Variants in SLC5A6 observed in about 807,000 individuals in gnomAD.
SLC5A6 encodes solute carrier family 5 member 6, also known as sodium-dependent multivitamin transporter.
SLC5A6 carries 31 observed loss-of-function variants against 67.9 expected under a neutral mutation model. The ratio of observed to expected loss-of-function variants is 0.46; its 90% CI spans 0.34 to 0.62. The LOEUF (loss-of-function observed/expected upper bound fraction) is 0.62, where lower values mean the gene tolerates loss of function less well. Ranked by LOEUF, SLC5A6 falls within the 20% of genes least tolerant of loss-of-function variation. The pLI, the probability that SLC5A6 is intolerant of heterozygous loss-of-function variation, is 0.01. For missense variants in SLC5A6, 673 were observed against 812.8 expected (o/e 0.83, Z 2.09); for synonymous variants, 343 against 331.0 (o/e 1.04, Z -0.39).
At chr2:27,212,724 C>G (rs1034641410), upstream of SLC5A6, 5 of 1,157,302 alleles carry the variant, frequency 4.3e-6, no homozygotes, top group Admixed American at 3.6e-5. Flanking sequence ...TAAGTTCTTT[C>G]TACAGACGGG....
At chr2:27,212,412 G>C (rs1674613106), upstream of SLC5A6, 2 of 1,553,254 alleles carry the variant, frequency 1.3e-6, no homozygotes, top group Admixed American at 3.9e-5. Flanking sequence ...CTGGTGCCCT[G>C]GGCTGCCGCC....
At chr2:27,200,799 CCT>C (rs1471943955) in intron 16 of SLC5A6, among the ~76,000 whole-genome samples, 197 bp downstream of exon 16, 1 of 152,206 alleles carries the variant, frequency 6.6e-6, no homozygotes, top group Non-Finnish European at 1.5e-5. Flanking sequence ...TCCTCTGAGC[CCT>C]GAGATCCTTC....
At chr2:27,204,971 A>C in intron 7 of SLC5A6, 40 bp from the exon 8 acceptor site, 1 of 1,606,606 alleles carries the variant, frequency 6.2e-7, no homozygotes, top group Non-Finnish European at 8.5e-7. Context: ...AAAGCCTGAG[A>C]GACACAGCCT....
At position 27,203,767 on chromosome 2, in the gene SLC5A6, T is replaced by G. The variant is rs747583742; in HGVS notation, c.1094+12A>C. 1.2e-6 allele frequency: 2 copies of G among 1,608,322 alleles called. No individual in the cohort carries two copies. On this transcript the variant is annotated intron_variant, in intron 10 of 16. Coordinates refer to ENST00000310574, the MANE Select transcript of SLC5A6 (RefSeq NM_021095.4). ...GTGCACCAGGCCTGAGGGAAATCGT[T>G]AAAGTGGGTACCTGAGAGAGCCGCT...
At position 27,203,044 on chromosome 2, in the gene SLC5A6, T is replaced by C. The variant is rs538319561; in HGVS notation, c.1208-164A>G. The C allele has an allele frequency of 1.3e-5, 20 of 1,494,984 alleles. No individual in the cohort carries two copies. The African/African-American group carries it at 2.1e-4, about 16-fold the overall frequency. 92.6% of individuals were successfully genotyped at this position (1,494,984 alleles called of 1,614,324 possible). On this transcript the variant is annotated intron_variant, in intron 11 of 16. Transcript: ENST00000310574. ...TCCTCCCACCAAGTCCTCACTCCTA[T>C]GTGACTCAGAGACCTCCCTAGGACA...
At chr2:27,201,298 G>A (rs778073407) in intron 15 of SLC5A6, 52 bp downstream of exon 15, 22 of 1,254,272 alleles carry the variant, frequency 1.8e-5, no homozygotes, top group Non-Finnish European at 2.3e-5. Context: ...GTCCCTTAGG[G>A]CCCTCTGTTA....
chr2:27,212,635 C>G, upstream of SLC5A6: 2 of 1,408,076 alleles, frequency 1.4e-6, no homozygotes, highest in Non-Finnish European at 9.2e-7. Context: ...TCACGTCGTG[C>G]AGGCCTTCGG....
chr2:27,204,102 A>G (rs948669022), intron 9 of SLC5A6, among the ~76,000 whole-genome samples: 1 of 152,142 alleles, frequency 6.6e-6, no homozygotes, highest in Admixed American at 6.5e-5. Flanking sequence ...GTTTCTGGCT[A>G]CTAGTGTGAC....
upstream of SLC5A6, chr2:27,212,316 G>T: frequency 6.5e-7 from 1 of 1,549,174 alleles, no homozygotes; most frequent in Non-Finnish European, 8.7e-7. Flanking sequence ...GCGCTGCGGG[G>T]CGGGGCCGCG....
chr2:27,212,315 G>GGCGGGGCC (rs1027955698), upstream of SLC5A6: 12 of 1,549,718 alleles, frequency 7.7e-6, no homozygotes, highest in Middle Eastern at 1.7e-4. Flanking sequence ...CGCGCTGCGG[G>GGCGGGGCC]GCGGGGCCGC....
chr2:27,206,794 G>T, intron 4 of SLC5A6, 83 bp downstream of exon 4: 1 of 1,115,280 alleles, frequency 9.0e-7, no homozygotes, highest in Non-Finnish European at 1.4e-6. Context: ...CTGAGAGCAG[G>T]GGAGACTCCA....
intron 6 of SLC5A6, 25 bp downstream of exon 6, chr2:27,206,001 C>G (rs1226594013): frequency 3.2e-6 from 5 of 1,580,288 alleles, no homozygotes; most frequent in Non-Finnish European, 4.3e-6. Flanking sequence ...CTTCCCCTCC[C>G]CACACCACGG....
In SLC5A6 at chr2:27,203,864, C is replaced by T. The variant is rs758617703; in HGVS notation, c.1009G>A (p.Val337Ile). The change falls in exon 10 of 17, where the codon GTC becomes ATC. Residue 337 changes from valine (V) to isoleucine (I), a missense_variant. Transcript: ENST00000310574. ...QQAQAAPDQF[V>I]LYFVMDLLKG... ...AGGAGATCCATCACAAAGTACAGGA[C>T]GAACTGCAAGCAGAGCGGAGGTACA... 16 of 1,613,524 alleles carry T rather than the reference C, an allele frequency of 9.9e-6. No homozygotes were observed. The South Asian group carries it at 1.6e-4, about 17-fold the overall frequency.
intron 12 of SLC5A6, among the ~76,000 whole-genome samples, 180 bp from the exon 13 acceptor site, chr2:27,202,254 C>T (rs1673700649): frequency 6.6e-6 from 1 of 152,052 alleles, no homozygotes; most frequent in Admixed American, 6.6e-5. Flanking sequence ...GTAATTCCAG[C>T]AGTTTGGGAG....
Position 27,212,205 on chromosome 2 carries a change from T to C in SLC5A6, c.-393A>G, listed in dbSNP as rs760793149. ...ATCCCCGAAAGAGGGCTAGGGCGCA[T>C]GAAGACCAGCGCAGAGCTCCACGAG... On this transcript the variant is annotated 5_prime_UTR_variant, in exon 1 of 17. An upstream start codon of the reference 5' UTR is lost. Transcript: ENST00000310574. 33 of 1,555,346 alleles carry C rather than the reference T, an allele frequency of 2.1e-5. No individual in the cohort carries two copies. The highest frequency in any genetic ancestry group is 2.8e-5 in the Non-Finnish European group (32 of 1,150,146).
Position 27,200,436 on chromosome 2 carries a change from T to A in SLC5A6, c.1908A>T (p.Ter636CysextTer2). ...STCILQETSL[*>C] The stretch of plus-strand genomic sequence containing the variant: ...ACAGAGGCGGGGTCCTGAGTCAACA[T>A]CACAGGGAGGTCTCCTGGAGGATGC... Residue 636 changes from the stop codon to cysteine, a stop_lost, in exon 17 of 17, where the codon TGA (stop) becomes TGT (cysteine). Coordinates refer to ENST00000310574, the MANE Select transcript of SLC5A6 (RefSeq NM_021095.4). The A allele has an allele frequency of 1.2e-6, 2 of 1,609,018 alleles. No homozygotes were observed. Among genetic ancestry groups the A allele is most frequent in the Non-Finnish European group, 1.7e-6 (2 of 1,177,134 alleles).
chr2:27,207,064 C>A lies in SLC5A6; in HGVS notation c.394-122G>T. 1 of 1,021,436 alleles carries A rather than the reference C, an allele frequency of 9.8e-7. No homozygotes were observed. The highest frequency in any genetic ancestry group is 1.5e-6 in the Non-Finnish European group (1 of 648,266). 63.3% of individuals were successfully genotyped at this position (1,021,436 alleles called of 1,614,324 possible). A position where few individuals can be genotyped will look rare whatever the true frequency, so the allele number is the denominator to read the frequency against. ...ACCCATACCCACTCTGAGTCCTACTCGGCATAGCACCCTCCTCTCCAATCC... is the reference window on the plus strand; with the variant it reads ...ACCCATACCCACTCTGAGTCCTACTAGGCATAGCACCCTCCTCTCCAATCC... On this transcript the variant is annotated intron_variant, in intron 3 of 16. Transcript: ENST00000310574. The surrounding 1 kb of genome is among the most constrained non-coding windows in gnomAD (Gnocchi z 5.5).
chr2:27,206,764 G>A, intron 4 of SLC5A6, 113 bp downstream of exon 4: 2 of 975,212 alleles, frequency 2.1e-6, no homozygotes, highest in South Asian at 1.3e-5. Flanking sequence ...ACCTCTAGCA[G>A]GAATTTCAAT....
Position 27,200,091 on chromosome 2 carries a change from T to G in SLC5A6, c.*345A>C. ...GGGGCAATTATAACCAGAGTGCTGT[T>G]TCTAGCCACTTACTTCAAAGGACTA... On this transcript the variant is annotated 3_prime_UTR_variant, in exon 17 of 17. Coordinates refer to ENST00000310574, the MANE Select transcript of SLC5A6 (RefSeq NM_021095.4). 5.4e-6 allele frequency: 1 copy of G among 185,300 alleles called. No individual in the cohort carries two copies. 11.5% of individuals were successfully genotyped at this position (185,300 alleles called of 1,614,324 possible). A position where few individuals can be genotyped will look rare whatever the true frequency, so the allele number is the denominator to read the frequency against.
Sources: allele counts gnomAD v4.1 joint callset (sites outside exome capture counted in the v4.1 genomes callset), GRCh38; gene constraint gnomAD v4.1.1; non-coding constraint Gnocchi (gnomAD v3.1); transcripts MANE v1.5; gene names NCBI Gene and HGNC (gene_info 2026-07-23, HGNC 2026-07-21).